The following NFIA variants were observed in gnomAD, a reference collection of about 807,000 sequenced individuals.
NFIA encodes the protein nuclear factor I A, also known as nuclear factor 1 A-type.
Under a neutral mutation model 62.8 loss-of-function variants are expected in NFIA, and 8 were observed. The ratio of observed to expected loss-of-function variants is 0.13; its 90% CI spans 0.07 to 0.23. The LOEUF (loss-of-function observed/expected upper bound fraction) is 0.23, where lower values mean the gene tolerates loss of function less well. Ranked by LOEUF, NFIA falls within the 10% of genes least tolerant of loss-of-function variation. The pLI is 1.00. For missense variants in NFIA, 410 were observed against 642.1 expected, an observed-to-expected ratio of 0.64 and a Z score of 3.91; for synonymous variants, 235 against 238.1, an observed-to-expected ratio of 0.99 and a Z score of 0.12.
intron 10 of NFIA, chr1:61,439,312 A>C (rs901012704): frequency 6.6e-6 from 1 of 152,234 alleles, no homozygotes; most frequent in Non-Finnish European, 1.5e-5. Flanking sequence ...ACGTGTACAC[A>C]TGAAAAATAA....
intron 2 of NFIA, among the ~76,000 whole-genome samples, chr1:61,252,080 C>G (rs1463896552): frequency 6.6e-6 from 1 of 152,118 alleles, no homozygotes; most frequent in East Asian, 1.9e-4. Context: ...CATTGTATCA[C>G]AGCATCAAGC....
At chr1:61,170,672 T>C (rs886228282) in intron 2 of NFIA, among the ~76,000 whole-genome samples, 2 of 152,226 alleles carry the variant, frequency 1.3e-5, no homozygotes, top group African/African-American at 4.8e-5. Flanking sequence ...TTTTGAACTT[T>C]CCTACAAAAT....
intron 2 of NFIA, among the ~76,000 whole-genome samples, chr1:61,222,269 A>C (rs1421944002): frequency 2.0e-5 from 3 of 152,138 alleles, no homozygotes; most frequent in Non-Finnish European, 4.4e-5. Flanking sequence ...AAAATATTAA[A>C]TCTAAGTCCA....
chr1:61,365,564 G>A (rs1212340586), intron 6 of NFIA, among the ~76,000 whole-genome samples: 3 of 152,136 alleles, frequency 2.0e-5, no homozygotes, highest in Non-Finnish European at 4.4e-5. Flanking sequence ...CCAGTTTAGG[G>A]CCTGCTGCAT....
chr1:61,129,519 G>A (rs1334469864), intron 2 of NFIA, among the ~76,000 whole-genome samples: 2 of 147,686 alleles, frequency 1.4e-5, no homozygotes, highest in Non-Finnish European at 3.0e-5. Context: ...GTGTGATCTC[G>A]GCTCACTGCA....
At chr1:61,156,153 C>T (rs1290930155) in intron 2 of NFIA, among the ~76,000 whole-genome samples, 2 of 152,072 alleles carry the variant, frequency 1.3e-5, no homozygotes, top group Non-Finnish European at 2.9e-5. Context: ...GAATTAAAAC[C>T]CTTGAGAAAA....
chr1:61,178,611 G>A (rs1022129654), intron 2 of NFIA, among the ~76,000 whole-genome samples: 1 of 152,210 alleles, frequency 6.6e-6, no homozygotes, highest in African/African-American at 2.4e-5. Context: ...TGGTAAGGCT[G>A]CAGCCTTATT....
At chr1:61,090,748 A>G (rs1186698382) in intron 2 of NFIA, among the ~76,000 whole-genome samples, 1 of 152,150 alleles carries the variant, frequency 6.6e-6, no homozygotes, top group Non-Finnish European at 1.5e-5. Flanking sequence ...ATCCCTTGTT[A>G]TGCCTGAATG....
At chr1:61,381,317 G>A (rs913444549) in intron 6 of NFIA, among the ~76,000 whole-genome samples, 4 of 151,694 alleles carry the variant, frequency 2.6e-5, no homozygotes, top group African/African-American at 9.7e-5. Context: ...TTTTTTATTT[G>A]AAATCTCCTC....
At chr1:61,311,857 G>C (rs1660135492) in intron 3 of NFIA, among the ~76,000 whole-genome samples, 1 of 152,130 alleles carries the variant, frequency 6.6e-6, no homozygotes, top group Non-Finnish European at 1.5e-5. Flanking sequence ...AAGCTCTTAA[G>C]AATTTCAGTA....
At chr1:61,205,865 C>T (rs1013089196) in intron 2 of NFIA, among the ~76,000 whole-genome samples, 1 of 151,294 alleles carries the variant, frequency 6.6e-6, no homozygotes, top group South Asian at 2.1e-4. Context: ...CAGCAAATGC[C>T]CTACACTGAG....
chr1:61,365,203 A>G (rs1299061933), intron 6 of NFIA, among the ~76,000 whole-genome samples: 1 of 152,166 alleles, frequency 6.6e-6, no homozygotes, highest in African/African-American at 2.4e-5. Context: ...AAAGAGAAAC[A>G]AACAGAAAAA....
Position 61,185,193 on chromosome 1 carries a change from C to T in NFIA, c.560-92327C>T, listed in dbSNP as rs183882965. ...ATCTTCCTGTTAATTACTCTTGTGA[C>T]ATTAGCAAGTTATGTAAGCCCACTA... On this transcript the variant is annotated intron_variant, in intron 2 of 10. Coordinates refer to ENST00000403491, the MANE Select transcript of NFIA (RefSeq NM_001134673.4). Among the ~76,000 whole-genome samples, 149 of 152,212 alleles carry T rather than the reference C, an allele frequency of 9.8e-4. 2 individuals are homozygous for T. Among genetic ancestry groups the T allele is most frequent in the African/African-American group, 3.3e-3 (139 of 41,530 alleles).
chr1:61,149,644 A>G (rs970376636), intron 2 of NFIA, among the ~76,000 whole-genome samples: 1 of 152,200 alleles, frequency 6.6e-6, no homozygotes, highest in African/African-American at 2.4e-5. Flanking sequence ...TTTGTGTCAG[A>G]TGGGTGTGAT....
intron 2 of NFIA, among the ~76,000 whole-genome samples, chr1:61,249,711 A>G (rs1489934901): frequency 2.0e-5 from 3 of 152,202 alleles, no homozygotes; most frequent in Non-Finnish European, 2.9e-5. Context: ...AGGCTGAGGC[A>G]CAAGAATTGC....
At chr1:61,453,447 T>C (rs1014039751) in intron 10 of NFIA, among the ~76,000 whole-genome samples, 3 of 144,342 alleles carry the variant, frequency 2.1e-5, no homozygotes, top group African/African-American at 7.7e-5. Flanking sequence ...AAGAAACTTT[T>C]TTTTTTTTTT....
rs150163106 is a variant in NFIA, at chr1:61,269,903, AGACT to A, written c.560-7612_560-7609del. Among the ~76,000 whole-genome samples, 27 of 152,354 alleles carry A rather than the reference AGACT, an allele frequency of 1.8e-4. No individual in the cohort carries two copies. In the East Asian group the frequency reaches 3.9e-3, roughly 22 times the overall value. ...TTCATTTGCATACATCTTGTTACAAAGACTGACTACTTCCTGGCTTAGACAAAGT... is the reference window on the plus strand; with the variant it reads ...TTCATTTGCATACATCTTGTTACAAAGACTACTTCCTGGCTTAGACAAAGT... On this transcript the variant is annotated intron_variant, in intron 2 of 10. Coordinates refer to ENST00000403491, the MANE Select transcript of NFIA (RefSeq NM_001134673.4).
rs150743218 is a variant in NFIA at position 61,291,977 on chromosome 1, C to G, written c.625+14392C>G. On this transcript the variant is annotated intron_variant, in intron 3 of 10. Coordinates refer to ENST00000403491, the MANE Select transcript of NFIA (RefSeq NM_001134673.4). ...AATCTATTAGGACTTTGACTGAACA[C>G]CAGTCAATGAAAATAGTAAATGTCA... 5.9e-4 allele frequency among the ~76,000 whole-genome samples: 89 copies of G among 152,104 alleles called. 2 individuals are homozygous for G. Among genetic ancestry groups the G allele is most frequent in the Non-Finnish European group, 1.0e-3 (70 of 68,006 alleles).
At chr1:61,229,873 A>T (rs1285732633) in intron 2 of NFIA, among the ~76,000 whole-genome samples, 2 of 152,198 alleles carry the variant, frequency 1.3e-5, no homozygotes, top group African/African-American at 4.8e-5. Flanking sequence ...AAAATTATCT[A>T]TGTCATGTCA....
Sources: allele counts gnomAD v4.1 joint callset (sites outside exome capture counted in the v4.1 genomes callset), GRCh38; gene constraint gnomAD v4.1.1; transcripts MANE v1.5; gene names NCBI Gene and HGNC (gene_info 2026-07-23, HGNC 2026-07-21).